Variants in PCDH15 observed in about 807,000 individuals in gnomAD.
PCDH15 encodes the protein protocadherin related 15.
In PCDH15, 129 loss-of-function variants were observed where a neutral mutation model predicts 178.5. That is an observed-to-expected ratio of 0.72 (90% CI 0.63 to 0.84). The LOEUF is 0.84. Ranked by LOEUF, PCDH15 falls within the 40% of genes least tolerant of loss-of-function variation. The probability of loss-of-function intolerance (pLI) is 0.00; values close to 1 mark genes in which losing one functional copy is unlikely to be tolerated. For missense variants in PCDH15, 2,230 were observed against 2,099.9 expected (o/e 1.06, Z -1.21); for synonymous variants, 800 against 732.0 (o/e 1.09, Z -1.50).
intron 26 of PCDH15, among the ~76,000 whole-genome samples, chr10:53,878,180 G>T (rs1589214663): frequency 3.1e-5 from 1 of 32,648 alleles, no homozygotes; most frequent in African/African-American, 2.0e-4. Context: ...GCTATACTAT[G>T]GCACACACAC....
At chr10:55,231,993 CA>C (rs369450596) in intron 1 of PCDH15, among the ~76,000 whole-genome samples, 14 of 151,974 alleles carry the variant, frequency 9.2e-5, no homozygotes, top group African/African-American at 3.1e-4. Flanking sequence ...GCCAGGTTTA[CA>C]AAGAGTTTGT....
intron 2 of PCDH15, among the ~76,000 whole-genome samples, chr10:55,466,998 T>C (rs1312772143): frequency 6.6e-6 from 1 of 152,216 alleles, no homozygotes; most frequent in South Asian, 2.1e-4. Flanking sequence ...CTGCTCTATC[T>C]ACTGGCTCTC....
intron 8 of PCDH15, among the ~76,000 whole-genome samples, chr10:54,240,442 T>C (rs1055853799): frequency 1.3e-5 from 2 of 151,990 alleles, no homozygotes; most frequent in Admixed American, 1.3e-4. Flanking sequence ...CTTGAATTTA[T>C]TGAAAAATAG....
intron 8 of PCDH15, among the ~76,000 whole-genome samples, chr10:54,307,462 T>C (rs1199213538): frequency 1.3e-5 from 2 of 151,478 alleles, no homozygotes; most frequent in Non-Finnish European, 2.9e-5. Flanking sequence ...GTGGGACAAT[T>C]TGGAAAACAT....
intron 23 of PCDH15, among the ~76,000 whole-genome samples, chr10:53,950,776 T>A (rs2086958841): frequency 6.6e-6 from 1 of 152,194 alleles, no homozygotes; most frequent in African/African-American, 2.4e-5. Flanking sequence ...ACTATTAGGA[T>A]TTTGCTATTT....
intron 2 of PCDH15, among the ~76,000 whole-genome samples, chr10:54,637,047 A>C (rs2093871746): frequency 6.6e-6 from 1 of 151,344 alleles, no homozygotes; most frequent in Admixed American, 6.6e-5. Context: ...TTTGAGCTAA[A>C]ATTTTCTACT....
At chr10:55,439,454 T>C (rs1462123795) in intron 2 of PCDH15, among the ~76,000 whole-genome samples, 1 of 152,124 alleles carries the variant, frequency 6.6e-6, no homozygotes, top group African/African-American at 2.4e-5. Context: ...GAGAATGACC[T>C]TCATTCCAGA....
chr10:55,333,995 T>C (rs1206941301), intron 2 of PCDH15, among the ~76,000 whole-genome samples: 1 of 151,658 alleles, frequency 6.6e-6, no homozygotes, highest in Admixed American at 6.6e-5. Flanking sequence ...ATTTATATGT[T>C]CCTTACATTT....
At chr10:54,061,247 T>C (rs978272438) in intron 18 of PCDH15, among the ~76,000 whole-genome samples, 1 of 152,218 alleles carries the variant, frequency 6.6e-6, no homozygotes, top group South Asian at 2.1e-4. Flanking sequence ...ATTATTTGCA[T>C]GCTTGTGGTC....
chr10:55,137,178 T>G (rs1591931963), intron 2 of PCDH15, among the ~76,000 whole-genome samples: 1 of 152,320 alleles, frequency 6.6e-6, no homozygotes, highest in East Asian at 1.9e-4. Context: ...TTTCATACAT[T>G]ACAATCATGT....
intron 2 of PCDH15, among the ~76,000 whole-genome samples, chr10:55,431,214 T>C (rs943189291): frequency 2.6e-5 from 4 of 152,316 alleles, no homozygotes; most frequent in Admixed American, 1.3e-4. Flanking sequence ...ATTAAAATGA[T>C]GAATTTTTGT....
chr10:55,257,858 A>G (rs896529267), intron 1 of PCDH15, among the ~76,000 whole-genome samples: 11 of 152,172 alleles, frequency 7.2e-5, no homozygotes, highest in African/African-American at 2.7e-4. Context: ...ATTCAAATTC[A>G]GGAAATACAG....
At position 54,102,511 on chromosome 10, in the gene PCDH15, T is replaced by C. The variant is rs867571742; in HGVS notation, c.1918-12448A>G. Among the ~76,000 whole-genome samples the C allele has an allele frequency of 3.3e-5, 5 of 152,256 alleles. No homozygotes were observed. In the South Asian group the frequency reaches 6.2e-4, roughly 19 times the overall value. On this transcript the variant is annotated intron_variant, in intron 15 of 37. Coordinates refer to ENST00000644397, the MANE Select transcript of PCDH15 (RefSeq NM_001384140.1). ...CATTCTCCAAGATCCATCTGTTTTA[T>C]GCTCAGGCCAAATAGGAGAGTTGAA...
chr10:53,906,983 T>G (rs1900414), intron 25 of PCDH15: 76,508 of 151,878 alleles, frequency 0.5, 20,964 homozygotes, highest in Middle Eastern at 0.68. Context: ...AATTGTAGTG[T>G]GTCTACTTAA....
rs1006756297 is a variant in PCDH15, at chr10:54,474,094, A to C, written c.157+53718T>G. Among the ~76,000 whole-genome samples the C allele has an allele frequency of 2.0e-5, 3 of 151,986 alleles. No individual in the cohort carries two copies. In the East Asian group the frequency reaches 5.8e-4, roughly 29 times the overall value. On this transcript the variant is annotated intron_variant, in intron 3 of 37. Coordinates refer to ENST00000644397, the MANE Select transcript of PCDH15 (RefSeq NM_001384140.1). Reference sequence around the variant, plus strand: ...GCAAATAAATAAAACTTTCATTTCTATATTCGAATTGCAAAAAAATTTGCA... The same window carrying C: ...GCAAATAAATAAAACTTTCATTTCTCTATTCGAATTGCAAAAAAATTTGCA...
At chr10:54,248,686 C>T (rs2056213713) in intron 8 of PCDH15, among the ~76,000 whole-genome samples, 1 of 151,956 alleles carries the variant, frequency 6.6e-6, no homozygotes, top group Admixed American at 6.6e-5. Context: ...TAGGGCATTT[C>T]TCAATACATG....
intron 2 of PCDH15, among the ~76,000 whole-genome samples, chr10:55,582,933 A>G (rs1406563928): frequency 6.6e-6 from 1 of 152,082 alleles, no homozygotes; most frequent in Non-Finnish European, 1.5e-5. Context: ...TTCACAAAAT[A>G]TTATTAGGAA....
In PCDH15 at chr10:53,837,955, ATTATTTATTTAT is replaced by A. The variant is rs67884582; in HGVS notation, c.3983+2353_3983+2364del. ...TATCTTTTCTTCAATATAAACATATATTATTTATTTATTTATTTATTTATTTATTTATTTATT... is the reference window on the plus strand; with the variant it reads ...TATCTTTTCTTCAATATAAACATATATTATTTATTTATTTATTTATTTATT... On this transcript the variant is annotated intron_variant, in intron 29 of 37. Transcript: ENST00000644397. Among the ~76,000 whole-genome samples the A allele has an allele frequency of 1.2e-3, 170 of 146,836 alleles. 1 individual carries two copies. The East Asian group carries it at 0.021, about 18-fold the overall frequency.
intron 13 of PCDH15, among the ~76,000 whole-genome samples, chr10:54,170,015 C>T (rs1469824383): frequency 6.7e-6 from 1 of 149,412 alleles, no homozygotes; most frequent in East Asian, 1.9e-4. Flanking sequence ...AACATGCTTT[C>T]TTTACTATTC....
Sources: gnomAD v4.1 joint callset for allele counts (sites outside exome capture counted in the v4.1 genomes callset) on GRCh38, gnomAD v4.1.1 for gene constraint, MANE v1.5 for transcripts, NCBI Gene and HGNC (gene_info 2026-07-23, HGNC 2026-07-21) for gene names.